Variants in DENND5B observed in about 807,000 individuals in gnomAD.
The protein encoded by DENND5B is DENN domain containing 5B.
DENND5B carries 34 observed loss-of-function variants against 140.6 expected under a neutral mutation model. That is an observed-to-expected ratio of 0.24 (90% CI 0.18 to 0.32). The LOEUF is 0.32. Ranked by LOEUF, DENND5B falls within the 10% of genes least tolerant of loss-of-function variation. The pLI, the probability that DENND5B is intolerant of heterozygous loss-of-function variation, is 1.00. For synonymous variants in DENND5B, 551 were observed against 562.1 expected, an observed-to-expected ratio of 0.98 and a Z score of 0.28; for missense variants, 1,142 against 1,560.2, an observed-to-expected ratio of 0.73 and a Z score of 4.52.
At chr12:31,511,334 T>C (rs1310757419) in intron 1 of DENND5B, among the ~76,000 whole-genome samples, 3 of 152,162 alleles carry the variant, frequency 2.0e-5, no homozygotes, top group Non-Finnish European at 4.4e-5. Flanking sequence ...CGCTACAAAA[T>C]CTACAAATTA....
At chr12:31,433,402 T>C (rs1244231366) in intron 7 of DENND5B, among the ~76,000 whole-genome samples, 154 bp from the exon 8 acceptor site, 1 of 152,206 alleles carries the variant, frequency 6.6e-6, no homozygotes, top group African/African-American at 2.4e-5. Context: ...TACCATACTA[T>C]GCACCCATTT....
chr12:31,422,005 G>A (rs962118483), intron 11 of DENND5B, among the ~76,000 whole-genome samples: 1 of 152,190 alleles, frequency 6.6e-6, no homozygotes, highest in Non-Finnish European at 1.5e-5. Flanking sequence ...AATGTAGTCA[G>A]CTTATATTCC....
At chr12:31,536,950 A>T (rs1291673560) in intron 1 of DENND5B, among the ~76,000 whole-genome samples, 2 of 152,078 alleles carry the variant, frequency 1.3e-5, no homozygotes, top group East Asian at 3.9e-4. Context: ...GAAGGAAAAA[A>T]ACTTTTACCC....
At chr12:31,499,212 G>A (rs1385826789) in intron 1 of DENND5B, among the ~76,000 whole-genome samples, 2 of 151,980 alleles carry the variant, frequency 1.3e-5, no homozygotes, top group African/African-American at 4.8e-5. Flanking sequence ...AATTACATAA[G>A]CATCCTGTAC....
rs1270499259 is a variant in DENND5B, at chr12:31,415,432, T to C, written c.2487A>G (p.Glu829=). 4.4e-6 allele frequency: 7 copies of C among 1,608,720 alleles called. No homozygotes were observed. The South Asian group carries it at 5.6e-5, about 13-fold the overall frequency. ...TAACTCCTGAGTCAGATTTTCTTCT[T>C]TCTGGTCCGAGGGCAACTATGTAGA... ...LAESPVALGP[E]RRKSDSGVML... Residue 829 remains glutamate (E), a synonymous_variant, in exon 12 of 21, where the codon GAA becomes GAG. Coordinates refer to ENST00000389082, the MANE Select transcript of DENND5B (RefSeq NM_144973.4).
intron 1 of DENND5B, among the ~76,000 whole-genome samples, chr12:31,561,626 G>C (rs1260977905): frequency 1.3e-5 from 2 of 152,102 alleles, no homozygotes; most frequent in African/African-American, 4.8e-5. Context: ...TAGTAAAGAG[G>C]ACTCCTAAAA....
At chr12:31,486,637 G>A (rs1946321902) in intron 2 of DENND5B, among the ~76,000 whole-genome samples, 1 of 152,128 alleles carries the variant, frequency 6.6e-6, no homozygotes, top group Admixed American at 6.6e-5. Flanking sequence ...CTTATTATTT[G>A]GTTCTTCATG....
rs776565080 is a variant in DENND5B, at chr12:31,409,376, T to C, written c.2690A>G (p.Tyr897Cys). 2 of 1,462,032 alleles carry C rather than the reference T, an allele frequency of 1.4e-6. No homozygotes were observed. The highest frequency in any genetic ancestry group is 4.4e-5 in the Admixed American group (2 of 45,924). The allele number at this position is 1,462,032 out of a possible 1,614,324, so 90.6% of individuals were successfully genotyped here. The part of the protein sequence containing the change: ...LSNQPLTKKL[Y>C]KRYAFLRCEE... ...GCAACGTAGAAAAGCATATCGCTTATAAAGCTTCCTAGGAAAGGGTAAGAC... is the reference window on the plus strand; with the variant it reads ...GCAACGTAGAAAAGCATATCGCTTACAAAGCTTCCTAGGAAAGGGTAAGAC... The change falls in exon 14 of 21, where the codon TAT becomes TGT. Residue 897 changes from tyrosine to cysteine, a missense_variant. Coordinates refer to ENST00000389082, the MANE Select transcript of DENND5B (RefSeq NM_144973.4).
chr12:31,574,092 T>C (rs1420959548), intron 1 of DENND5B, among the ~76,000 whole-genome samples: 1 of 150,148 alleles, frequency 6.7e-6, no homozygotes, highest in African/African-American at 2.5e-5. Context: ...AGATCTTGTC[T>C]CTACAAAAAT....
In DENND5B at chr12:31,424,639, C is replaced by A; in HGVS notation, c.2287G>T (p.Gly763Cys). 6.2e-7 allele frequency: 1 copy of A among 1,613,978 alleles called. No individual in the cohort carries two copies. ...EKMGHEAVEL[G>C]HGEANITGLE... ...CCGGTGATGTTTGCTTCTCCATGGC[C>A]AAGTTCCACCGCTTCATGTCCCATC... The change falls in exon 10 of 21, where the codon GGC (glycine) becomes TGC (cysteine). Residue 763 changes from glycine (G) to cysteine (C), a missense_variant. By Grantham distance (159) the Gly-to-Cys change is radical. Around this residue, in one of 5 missense-constraint regions of DENND5B, gnomAD observed 33 missense variants for 90.8 expected, o/e 0.36. Coordinates refer to ENST00000389082, the MANE Select transcript of DENND5B (RefSeq NM_144973.4).
At chr12:31,528,477 A>G (rs1363412023) in intron 1 of DENND5B, among the ~76,000 whole-genome samples, 1 of 152,192 alleles carries the variant, frequency 6.6e-6, no homozygotes, top group Non-Finnish European at 1.5e-5. Flanking sequence ...TCCAGGTATT[A>G]CGACCTGACA....
rs1943361037 is a variant in DENND5B, at chr12:31,428,708, C to G, written c.2107-2284G>C. Among the ~76,000 whole-genome samples, 3 of 152,204 alleles carry G rather than the reference C, an allele frequency of 2.0e-5. No individual in the cohort carries two copies. In the East Asian group the frequency reaches 5.8e-4, roughly 30 times the overall value. On this transcript the variant is annotated intron_variant, in intron 8 of 20. Coordinates refer to ENST00000389082, the MANE Select transcript of DENND5B (RefSeq NM_144973.4). The stretch of plus-strand genomic sequence containing the variant: ...TCAGCGTCCTGAGTAGCTGGGATTA[C>G]AGGTGCACATCCCATGCCCGGCTAA...
At chr12:31,402,868 T>C (rs1941882908) in intron 14 of DENND5B, among the ~76,000 whole-genome samples, 1 of 152,198 alleles carries the variant, frequency 6.6e-6, no homozygotes, top group Non-Finnish European at 1.5e-5. Context: ...TTTCACAGCA[T>C]GTATATCATC....
intron 15 of DENND5B, among the ~76,000 whole-genome samples, chr12:31,400,591 C>G (rs1173022190): frequency 6.6e-6 from 1 of 151,726 alleles, no homozygotes; most frequent in Non-Finnish European, 1.5e-5. Flanking sequence ...TTATGGGTAC[C>G]TAGTAGATGT....
At chr12:31,513,395 T>C (rs1947502341) in intron 1 of DENND5B, among the ~76,000 whole-genome samples, 1 of 152,232 alleles carries the variant, frequency 6.6e-6, no homozygotes, top group African/African-American at 2.4e-5. Flanking sequence ...TAGAGAGTTA[T>C]ACTTCACCTC....
At chr12:31,532,745 C>A (rs1303883441) in intron 1 of DENND5B, among the ~76,000 whole-genome samples, 7 of 152,136 alleles carry the variant, frequency 4.6e-5, no homozygotes, top group Non-Finnish European at 7.4e-5. Flanking sequence ...CTGGCTTTGG[C>A]AACTAGTTAG....
At chr12:31,506,099 G>A (rs11609811) in intron 1 of DENND5B, among the ~76,000 whole-genome samples, 17,037 of 152,164 alleles carry the variant, frequency 0.11, 1,130 homozygotes, top group East Asian at 0.25. Flanking sequence ...CTCCCAAAGT[G>A]CTGGAATTAC....
At chr12:31,533,056 C>T (rs1434949992) in intron 1 of DENND5B, among the ~76,000 whole-genome samples, 3 of 152,150 alleles carry the variant, frequency 2.0e-5, no homozygotes, top group African/African-American at 2.4e-5. Flanking sequence ...TAAGAGCTTG[C>T]ACAAGTCATT....
At chr12:31,545,639 G>C (rs1948829705) in intron 1 of DENND5B, among the ~76,000 whole-genome samples, 1 of 152,098 alleles carries the variant, frequency 6.6e-6, no homozygotes. Flanking sequence ...TATTTCAAAT[G>C]TTTAGTGAAA....
Sources: gnomAD v4.1 joint callset for allele counts (sites outside exome capture counted in the v4.1 genomes callset) on GRCh38, gnomAD v4.1.1 for gene constraint, gnomAD v4.1.1 regional missense constraint, MANE v1.5 for transcripts, NCBI Gene and HGNC (gene_info 2026-07-23, HGNC 2026-07-21) for gene names.